The following ACTR1A variants were observed in gnomAD, a reference collection of about 807,000 sequenced individuals.
The protein encoded by ACTR1A is alpha-centractin.
A neutral mutation model predicts 50.7 loss-of-function variants in ACTR1A; 10 were observed. That is an observed-to-expected ratio of 0.20 (90% CI 0.12 to 0.33). ACTR1A has a LOEUF of 0.33. ACTR1A is among the 10% of genes least tolerant of loss of function. The probability of loss-of-function intolerance (pLI) is 1.00; values close to 1 mark genes in which losing one functional copy is unlikely to be tolerated. For synonymous variants in ACTR1A, 177 were observed against 184.2 expected, an observed-to-expected ratio of 0.96 and a Z score of 0.32; for missense variants, 253 against 491.7, an observed-to-expected ratio of 0.51 and a Z score of 4.59.
intron 1 of ACTR1A, among the ~76,000 whole-genome samples, chr10:102,495,147 C>T (rs1289154111): frequency 6.6e-6 from 1 of 151,860 alleles, no homozygotes; most frequent in Non-Finnish European, 1.5e-5. Flanking sequence ...TGTGGTGGTG[C>T]GGGTCCATAG....
In ACTR1A at chr10:102,485,689, G is replaced by T; in HGVS notation, c.360C>A (p.Asn120Lys). 2 of 1,614,114 alleles carry T rather than the reference G, an allele frequency of 1.2e-6. No homozygotes were observed. The highest frequency in any genetic ancestry group is 1.7e-6 in the Non-Finnish European group (2 of 1,180,012). ...LTEAPLNPRK[N>K]RERAAEVFFE... ...AGAAAACTTCGGCAGCTCGTTCCCG[G>T]TTTTTTCGTGGGTTTAAAGGCGCCT... Residue 120 changes from asparagine to lysine, a missense_variant, in exon 5 of 11, where the codon AAC becomes AAA. By Grantham distance (94) the Asn-to-Lys change is moderately conservative. Transcript: ENST00000369905.
intron 5 of ACTR1A, 98 bp from the exon 6 acceptor site, chr10:102,484,474 T>C: frequency 9.3e-7 from 1 of 1,079,664 alleles, no homozygotes; most frequent in African/African-American, 1.6e-5. Flanking sequence ...AAACTAAAGC[T>C]TGGGCCTGCC....
intron 1 of ACTR1A, among the ~76,000 whole-genome samples, chr10:102,497,930 A>AG (rs10657673): frequency 2.2e-5 from 1 of 46,342 alleles, no homozygotes; most frequent in African/African-American, 7.4e-5. Context: ...CCATTTCTAC[A>AG]AAAAAAAAAA....
intron 1 of ACTR1A, among the ~76,000 whole-genome samples, chr10:102,494,237 A>G (rs1474882289): frequency 1.3e-5 from 2 of 152,218 alleles, no homozygotes; most frequent in Non-Finnish European, 1.5e-5. Context: ...ACTCATGCCT[A>G]TAATCCAAGC....
intron 9 of ACTR1A, 41 bp from the exon 10 acceptor site, chr10:102,481,213 C>T: frequency 6.5e-7 from 1 of 1,540,812 alleles, no homozygotes; most frequent in Non-Finnish European, 8.8e-7. Flanking sequence ...ACTTCCAGCC[C>T]TCCCGCTCCC....
In ACTR1A at chr10:102,488,269, G is replaced by A. The variant is rs2062178323; in HGVS notation, c.196C>T (p.Arg66Ter). Residue 66 changes from arginine (R) to a stop codon, truncating the protein, a stop_gained, in exon 4 of 11, where the codon CGA (arginine) becomes TGA (stop). Coordinates refer to ENST00000369905, the MANE Select transcript of ACTR1A (RefSeq NM_005736.4). LOFTEE classifies it high-confidence loss of function. The surrounding 1 kb of genome is among the most constrained non-coding windows in gnomAD (Gnocchi z 4.4). ...IFIGPKAEEH[R>*]GLLSIRYPME... ...GGATAGCGGATTGAAAGCAGCCCTC[G>A]GTGCTCCTGGGAAAAGAGAACAGGA... 6.2e-7 allele frequency: 1 copy of A among 1,613,274 alleles called. No homozygotes were observed. Among genetic ancestry groups the A allele is most frequent in the Admixed American group, 1.7e-5 (1 of 59,972 alleles).
At chr10:102,490,755 G>A (rs2062188129) in intron 1 of ACTR1A, 142 bp from the exon 2 acceptor site, 1 of 595,606 alleles carries the variant, frequency 1.7e-6, no homozygotes, top group South Asian at 2.0e-5. Context: ...CACTTTGGGA[G>A]GCAGAGGCAG....
In ACTR1A at chr10:102,502,582, A is replaced by G; in HGVS notation, c.48+18T>C. 2 of 1,614,042 alleles carry G rather than the reference A, an allele frequency of 1.2e-6. No individual in the cohort carries two copies. The highest frequency in any genetic ancestry group is 1.7e-6 in the Non-Finnish European group (2 of 1,179,856). On this transcript the variant is annotated intron_variant, in intron 1 of 10. Transcript: ENST00000369905. ...GGAGAGCCCAAGTCCCCTTATAGATAGGAAAGACGCAACTCACGTTGTCGA... is the reference window on the plus strand; with the variant it reads ...GGAGAGCCCAAGTCCCCTTATAGATGGGAAAGACGCAACTCACGTTGTCGA...
At position 102,482,934 on chromosome 10, in the gene ACTR1A, C is replaced by T. The variant is rs917773493; in HGVS notation, c.750+77G>A. ...AGGGACTGGCCTGCCAGACTCCAGA[C>T]CCTGATGGAGAATTCTGGTTGGGCC... On this transcript the variant is annotated intron_variant, in intron 7 of 10. Coordinates refer to ENST00000369905, the MANE Select transcript of ACTR1A (RefSeq NM_005736.4). The surrounding 1 kb of genome is among the most constrained non-coding windows in gnomAD (Gnocchi z 5.6). The T allele has an allele frequency of 1.6e-6, 2 of 1,236,328 alleles. No individual in the cohort carries two copies. Among genetic ancestry groups the T allele is most frequent in the Non-Finnish European group, 1.2e-6 (1 of 839,926 alleles). The allele number at this position is 1,236,328 out of a possible 1,614,324, so 76.6% of individuals were successfully genotyped here. A position where few individuals can be genotyped will look rare whatever the true frequency, so the allele number is the denominator to read the frequency against.
chr10:102,487,013 T>G (rs142296200), intron 4 of ACTR1A, among the ~76,000 whole-genome samples: 294 of 151,928 alleles, frequency 1.9e-3, no homozygotes, highest in Middle Eastern at 3.4e-3. Context: ...CAACTTGGTC[T>G]CAAACTCCTG....
chr10:102,491,062 C>T (rs2062189583), intron 1 of ACTR1A, among the ~76,000 whole-genome samples: 1 of 152,048 alleles, frequency 6.6e-6, no homozygotes, highest in African/African-American at 2.4e-5. Flanking sequence ...GGTAAATGCA[C>T]ACCAAAAGAA....
chr10:102,498,324 C>CTT (rs568599813), intron 1 of ACTR1A, among the ~76,000 whole-genome samples: 18 of 139,182 alleles, frequency 1.3e-4, no homozygotes, highest in African/African-American at 4.2e-4. Context: ...CTCTCTCTCT[C>CTT]TTTTTTTTTT....
chr10:102,494,582 A>G (rs1010045247), intron 1 of ACTR1A, among the ~76,000 whole-genome samples: 1 of 152,176 alleles, frequency 6.6e-6, no homozygotes, highest in African/African-American at 2.4e-5. Flanking sequence ...GCAAGCTGTA[A>G]TTGCACTGCT....
Position 102,480,784 on chromosome 10 carries a change from C to T in ACTR1A, c.*79G>A. 2 of 1,203,524 alleles carry T rather than the reference C, an allele frequency of 1.7e-6. No individual in the cohort carries two copies. The highest frequency in any genetic ancestry group is 2.5e-6 in the Non-Finnish European group (2 of 808,670). The allele number at this position is 1,203,524 out of a possible 1,614,324, so 74.6% of individuals were successfully genotyped here. A position where few individuals can be genotyped will look rare whatever the true frequency, so the allele number is the denominator to read the frequency against. On this transcript the variant is annotated 3_prime_UTR_variant, in exon 11 of 11. Transcript: ENST00000369905. ...ACACGCACTCACACACAGGCAGTTC[C>T]TCGCAAACACTCCGACTCAAGAAAG...
chr10:102,483,767 C>G (rs1276408576), intron 6 of ACTR1A: 1 of 189,458 alleles, frequency 5.3e-6, no homozygotes, highest in East Asian at 1.3e-4. Context: ...ATTGCTTGAA[C>G]CCGGGAGGCA....
At chr10:102,497,129 C>T (rs896800807) in intron 1 of ACTR1A, among the ~76,000 whole-genome samples, 1 of 140,394 alleles carries the variant, frequency 7.1e-6, no homozygotes, top group East Asian at 2.2e-4. Flanking sequence ...CAGTGAGCAT[C>T]ACTGCACTCC....
chr10:102,483,402 C>T (rs1334620896), intron 6 of ACTR1A: 2 of 345,924 alleles, frequency 5.8e-6, no homozygotes, highest in Admixed American at 4.4e-5. Flanking sequence ...AGGCATCTTT[C>T]TCCTTCTACC....
chr10:102,500,501 G>A (rs1028751457), intron 1 of ACTR1A, among the ~76,000 whole-genome samples: 1 of 152,048 alleles, frequency 6.6e-6, no homozygotes, highest in African/African-American at 2.4e-5. Context: ...CCCGGGAGGC[G>A]GAGCTTGCAG....
chr10:102,501,958 A>C (rs1173054302), intron 1 of ACTR1A, among the ~76,000 whole-genome samples: 1 of 152,206 alleles, frequency 6.6e-6, no homozygotes, highest in Non-Finnish European at 1.5e-5. Flanking sequence ...AATAGCTGAC[A>C]TCCTACAGCG....
Sources: allele counts gnomAD v4.1 joint callset (sites outside exome capture counted in the v4.1 genomes callset), GRCh38; gene constraint gnomAD v4.1.1; non-coding constraint Gnocchi (gnomAD v3.1); transcripts MANE v1.5; gene names NCBI Gene and HGNC (gene_info 2026-07-23, HGNC 2026-07-21).